Variants in HS6ST3 observed in about 807,000 individuals in gnomAD.
The protein encoded by HS6ST3 is heparan sulfate 6-O-sulfotransferase 3.
Under a neutral mutation model 36.7 loss-of-function variants are expected in HS6ST3, and 12 were observed. That is an observed-to-expected ratio of 0.33 (90% CI 0.21 to 0.53). The LOEUF (loss-of-function observed/expected upper bound fraction) is 0.53. HS6ST3 is among the 20% of genes least tolerant of loss of function. HS6ST3 has a pLI of 0.95. For synonymous variants in HS6ST3, 240 were observed against 257.5 expected, an observed-to-expected ratio of 0.93 and a Z score of 0.65; for missense variants, 584 against 640.9, an observed-to-expected ratio of 0.91 and a Z score of 0.96.
intron 1 of HS6ST3, among the ~76,000 whole-genome samples, chr13:96,412,855 T>TTATA (rs1361951196): frequency 6.7e-6 from 1 of 149,952 alleles, no homozygotes; most frequent in Non-Finnish European, 1.5e-5. Context: ...ATATATATAT[T>TTATA]TATATATAAA....
intron 1 of HS6ST3, among the ~76,000 whole-genome samples, chr13:96,806,591 G>T (rs566137284): frequency 6.6e-6 from 1 of 152,214 alleles, no homozygotes; most frequent in East Asian, 1.9e-4. Flanking sequence ...TAATCTGCTT[G>T]GGAGAAAAGC....
chr13:96,730,123 C>A (rs1876110959), intron 1 of HS6ST3, among the ~76,000 whole-genome samples: 1 of 152,156 alleles, frequency 6.6e-6, no homozygotes, highest in East Asian at 1.9e-4. Context: ...CACTGGTGAG[C>A]TTGACAATTC....
chr13:96,659,780 A>G (rs2056639860), intron 1 of HS6ST3, among the ~76,000 whole-genome samples: 1 of 152,022 alleles, frequency 6.6e-6, no homozygotes, highest in Admixed American at 6.6e-5. Context: ...TTTTAGTGGC[A>G]CCTTTGTCAC....
chr13:96,690,372 G>A (rs1874922727), intron 1 of HS6ST3, among the ~76,000 whole-genome samples: 1 of 152,110 alleles, frequency 6.6e-6, no homozygotes, highest in Non-Finnish European at 1.5e-5. Context: ...ATCCTTGATA[G>A]ATTGGTATTT....
intron 1 of HS6ST3, among the ~76,000 whole-genome samples, chr13:96,290,234 G>A (rs72642976): frequency 0.056 from 8,559 of 152,104 alleles, 322 homozygotes; most frequent in East Asian, 0.15. Context: ...TGAGCATGTG[G>A]TTGGGCAGTG....
intron 1 of HS6ST3, among the ~76,000 whole-genome samples, chr13:96,614,073 C>T (rs577986458): frequency 2.0e-5 from 3 of 151,584 alleles, no homozygotes; most frequent in Non-Finnish European, 2.9e-5. Context: ...CCGAGGCGGG[C>T]GAATGAGGAG....
At chr13:96,245,938 A>G (rs926184759) in intron 1 of HS6ST3, among the ~76,000 whole-genome samples, 1 of 152,196 alleles carries the variant, frequency 6.6e-6, no homozygotes, top group Admixed American at 6.5e-5. Flanking sequence ...GGGAAACTAC[A>G]TGAGTTAATA....
At chr13:96,265,734 T>A (rs2054689023) in intron 1 of HS6ST3, among the ~76,000 whole-genome samples, 2 of 152,294 alleles carry the variant, frequency 1.3e-5, no homozygotes, top group South Asian at 4.1e-4. Context: ...AGAGCCAGTT[T>A]ATACTTGTTG....
intron 1 of HS6ST3, among the ~76,000 whole-genome samples, chr13:96,227,719 C>A (rs1030416359): frequency 1.3e-5 from 2 of 152,270 alleles, no homozygotes; most frequent in Admixed American, 1.3e-4. Flanking sequence ...CTGCTGGAAA[C>A]AAAGCTCTTT....
intron 1 of HS6ST3, among the ~76,000 whole-genome samples, chr13:96,242,799 A>G (rs946930923): frequency 3.9e-5 from 6 of 152,220 alleles, no homozygotes; most frequent in African/African-American, 1.2e-4. Flanking sequence ...GAATTACCAT[A>G]GAATCCAACA....
intron 1 of HS6ST3, among the ~76,000 whole-genome samples, chr13:96,322,064 A>G (rs916412794): frequency 1.3e-5 from 2 of 152,018 alleles, no homozygotes; most frequent in East Asian, 1.9e-4. Context: ...ATCCACTCAC[A>G]TACTCTGCCT....
At chr13:96,404,804 T>G in intron 1 of HS6ST3, among the ~76,000 whole-genome samples, 1 of 152,106 alleles carries the variant, frequency 6.6e-6, no homozygotes, top group East Asian at 1.9e-4. Flanking sequence ...GGTGATATGG[T>G]TTGGCTGTGT....
intron 1 of HS6ST3, among the ~76,000 whole-genome samples, chr13:96,096,345 T>G (rs1297977597): frequency 6.6e-6 from 1 of 152,214 alleles, no homozygotes; most frequent in Non-Finnish European, 1.5e-5. Flanking sequence ...AACTCTGTGA[T>G]GCTCACTCTC....
At chr13:96,329,726 C>T (rs9554342) in intron 1 of HS6ST3, among the ~76,000 whole-genome samples, 37,296 of 111,956 alleles carry the variant, frequency 0.33, 6,467 homozygotes, top group African/African-American at 0.4. Context: ...AGTTCAATTC[C>T]TGGGTATCCT....
intron 1 of HS6ST3, among the ~76,000 whole-genome samples, chr13:96,738,906 T>G (rs1876358564): frequency 6.6e-6 from 1 of 152,182 alleles, no homozygotes; most frequent in Non-Finnish European, 1.5e-5. Context: ...ATTTAACTTC[T>G]CTAGTTTCTC....
rs998454189 is a variant in HS6ST3, at chr13:96,837,489, C to A, written c.*4291C>A. 6.6e-6 allele frequency: 1 copy of A among 152,118 alleles called. No individual in the cohort carries two copies. The highest frequency in any genetic ancestry group is 1.5e-5 in the Non-Finnish European group (1 of 68,026). 9.4% of individuals were successfully genotyped at this position (152,118 alleles called of 1,614,324 possible). ...CAGCCTTTTGACTTCATAGTCTTTC[C>A]GACTACTTTATGCAGCTCAGCATCA... On this transcript the variant is annotated 3_prime_UTR_variant, in exon 2 of 2. Transcript: ENST00000376705.
At chr13:96,482,690 G>A (rs902433928) in intron 1 of HS6ST3, among the ~76,000 whole-genome samples, 22 of 152,128 alleles carry the variant, frequency 1.4e-4, no homozygotes, top group African/African-American at 5.1e-4. Context: ...CTCAAGTTCA[G>A]TCAAACATTA....
At chr13:96,766,251 T>G (rs1302015220) in intron 1 of HS6ST3, among the ~76,000 whole-genome samples, 1 of 152,218 alleles carries the variant, frequency 6.6e-6, no homozygotes, top group Non-Finnish European at 1.5e-5. Context: ...AATGCAGAAT[T>G]GCTGTTGATA....
intron 1 of HS6ST3, among the ~76,000 whole-genome samples, chr13:96,260,882 C>T (rs547238993): frequency 1.3e-4 from 20 of 151,902 alleles, no homozygotes; most frequent in Middle Eastern, 3.4e-3. Context: ...TCAAGTGATC[C>T]GCCCTCCTTG....
Sources: gnomAD v4.1 joint callset for allele counts (sites outside exome capture counted in the v4.1 genomes callset) on GRCh38, gnomAD v4.1.1 for gene constraint, MANE v1.5 for transcripts, NCBI Gene and HGNC (gene_info 2026-07-23, HGNC 2026-07-21) for gene names.